LRP2BP: variants seen among roughly 807,000 people sequenced by gnomAD.
LRP2BP encodes LRP2 binding protein, also known as LRP2-binding protein.
A neutral mutation model predicts 45.2 loss-of-function variants in LRP2BP; 38 were observed. That is an observed-to-expected ratio of 0.84 (90% CI 0.65 to 1.10). The LOEUF is 1.10. LRP2BP is among the 50% of genes least tolerant of loss of function. The pLI is 0.00. For missense variants in LRP2BP, 385 were observed against 418.9 expected (o/e 0.92, Z 0.71); for synonymous variants, 153 against 153.9 (o/e 0.99, Z 0.04).
At chr4:185,397,236 C>T (rs1309935331), upstream of LRP2BP, 18 of 1,614,010 alleles carry the variant, frequency 1.1e-5, no homozygotes, top group Middle Eastern at 4.9e-4. Flanking sequence ...TCCACTTAGC[C>T]GCAGGAAGCG....
At chr4:185,378,502 A>G (rs3797032) in intron 1 of LRP2BP, 314,940 of 1,088,182 alleles carry the variant, frequency 0.29, 50,971 homozygotes, top group African/African-American at 0.68. Context: ...GGGTCAAGTC[A>G]CCCAGCACAA....
intron 1 of LRP2BP, chr4:185,378,486 C>T: frequency 8.8e-7 from 1 of 1,133,246 alleles, no homozygotes; most frequent in African/African-American, 1.6e-5. Flanking sequence ...GTTTATACAT[C>T]AAGATGGGTC....
chr4:185,368,683 A>C (rs1033118803), intron 8 of LRP2BP, among the ~76,000 whole-genome samples: 5 of 152,180 alleles, frequency 3.3e-5, no homozygotes, highest in Admixed American at 6.5e-5. Context: ...AACTGAGTAC[A>C]GTATTCTAGA....
chr4:185,384,813 A>C (rs1411210270), intron 1 of LRP2BP, among the ~76,000 whole-genome samples: 4 of 152,150 alleles, frequency 2.6e-5, no homozygotes, highest in African/African-American at 9.7e-5. Flanking sequence ...ATTAGAAGAG[A>C]ATAACTTACT....
chr4:185,367,294 GTCTT>G lies in LRP2BP; in HGVS notation c.979-53_979-50del, dbSNP rs751928391. 9 of 1,459,180 alleles carry G rather than the reference GTCTT, an allele frequency of 6.2e-6. No homozygotes were observed. The East Asian group carries it at 7.0e-5, about 11-fold the overall frequency. The allele number at this position is 1,459,180 out of a possible 1,614,324, so 90.4% of individuals were successfully genotyped here. On this transcript the variant is annotated intron_variant, in intron 8 of 8. Coordinates refer to ENST00000505916, the MANE Select transcript of LRP2BP (RefSeq NM_001377440.1). ...ATTTAGATACATTCTAATTGTTTGGGTCTTTCTTCTTTTTTTTTTTTTCTTTTTT... is the reference window on the plus strand; with the variant it reads ...ATTTAGATACATTCTAATTGTTTGGGTCTTCTTTTTTTTTTTTTCTTTTTT...
At chr4:185,374,647 A>G (rs2095427162) in intron 4 of LRP2BP, among the ~76,000 whole-genome samples, 186 bp from the exon 5 acceptor site, 1 of 152,168 alleles carries the variant, frequency 6.6e-6, no homozygotes. Context: ...AGAATCTCTA[A>G]AAGTACATCT....
intron 1 of LRP2BP, among the ~76,000 whole-genome samples, chr4:185,392,717 G>A (rs1580019518): frequency 6.6e-6 from 1 of 152,082 alleles, no homozygotes; most frequent in African/African-American, 2.4e-5. Flanking sequence ...AACGATAGAA[G>A]TATTATTGCC....
chr4:185,388,452 C>CCTACCTATCAATCAT (rs1192524215), intron 1 of LRP2BP, among the ~76,000 whole-genome samples: 2 of 152,084 alleles, frequency 1.3e-5, no homozygotes, highest in East Asian at 3.9e-4. Context: ...TATCTGCCTA[C>CCTACCTATCAATCAT]CTACCTACCT....
chr4:185,378,413 A>G, intron 1 of LRP2BP: 2 of 1,351,664 alleles, frequency 1.5e-6, no homozygotes, highest in Non-Finnish European at 1.9e-6. Context: ...GCCATTCTCC[A>G]TGTCATTTTC....
chr4:185,393,646 C>T (rs748977674), intron 1 of LRP2BP, among the ~76,000 whole-genome samples: 5 of 151,988 alleles, frequency 3.3e-5, no homozygotes, highest in African/African-American at 9.7e-5. Context: ...CTGCCTCAGC[C>T]TCCGGAGTAA....
chr4:185,396,723 A>G (rs1310470037), upstream of LRP2BP: 5 of 598,598 alleles, frequency 8.4e-6, no homozygotes, highest in Non-Finnish European at 1.5e-5. Context: ...GGGGCTGGAC[A>G]GGGTCCGGGT....
chr4:185,392,616 T>C (rs566191508), intron 1 of LRP2BP, among the ~76,000 whole-genome samples: 64 of 152,100 alleles, frequency 4.2e-4, no homozygotes, highest in African/African-American at 1.5e-3. Flanking sequence ...AAAAAAAACT[T>C]AAAAAAAATC....
rs999393873 is a variant in LRP2BP at position 185,374,419 on chromosome 4, A to G, written c.373T>C (p.Cys125Arg). The G allele has an allele frequency of 1.9e-6, 3 of 1,614,044 alleles. No homozygotes were observed. Among genetic ancestry groups the G allele is most frequent in the African/African-American group, 1.3e-5 (1 of 74,938 alleles). The change falls in exon 5 of 9, where the codon TGT becomes CGT. Residue 125 changes from cysteine to arginine, a missense_variant. Coordinates refer to ENST00000505916, the MANE Select transcript of LRP2BP (RefSeq NM_001377440.1). ...DYMKKILDSP[C>R]PKARHLKFAA... Reference sequence around the variant, plus strand: ...AATTTTAAGTGTCTTGCTTTGGGACATGGAGAATCAAGAATTTTCTTCATA... The same window carrying G: ...AATTTTAAGTGTCTTGCTTTGGGACGTGGAGAATCAAGAATTTTCTTCATA...
intron 2 of LRP2BP, 41 bp downstream of exon 2, chr4:185,378,040 A>T: frequency 6.7e-7 from 1 of 1,494,428 alleles, no homozygotes; most frequent in Non-Finnish European, 9.3e-7. Flanking sequence ...ATGAACTGTT[A>T]AAGTGTTTTC....
At position 185,395,521 on chromosome 4, in the gene LRP2BP, G is replaced by A. The variant is rs565057417; in HGVS notation, c.-764C>T. On this transcript the variant is annotated 5_prime_UTR_variant, in exon 1 of 9. It adds an upstream start codon to the 5' untranslated region. Transcript: ENST00000505916. ...CTGACAACAGTATCTCTACACTGCC[G>A]TTCTTTAAACATCATTAAAAGATAT... is the stretch of plus-strand genomic sequence containing the variant. 3 of 984,900 alleles carry A rather than the reference G, an allele frequency of 3.0e-6. No individual in the cohort carries two copies. The highest frequency in any genetic ancestry group is 1.1e-4 in the East Asian group (1 of 8,812). The allele number at this position is 984,900 out of a possible 1,614,324, so 61.0% of individuals were successfully genotyped here.
chr4:185,380,067 C>G (rs2095451246), intron 1 of LRP2BP, among the ~76,000 whole-genome samples: 1 of 152,212 alleles, frequency 6.6e-6, no homozygotes, highest in Admixed American at 6.5e-5. Context: ...CAGCAATCCT[C>G]CTGTCTCAGC....
chr4:185,374,679 G>A (rs2095427298), intron 4 of LRP2BP, among the ~76,000 whole-genome samples: 1 of 152,154 alleles, frequency 6.6e-6, no homozygotes, highest in African/African-American at 2.4e-5. Context: ...ACTCCCAGGA[G>A]CTCTGGGATA....
chr4:185,371,938 CAG>C (rs1391949038), intron 7 of LRP2BP, among the ~76,000 whole-genome samples: 1 of 152,146 alleles, frequency 6.6e-6, no homozygotes, highest in African/African-American at 2.4e-5. Flanking sequence ...CCAGCACACG[CAG>C]AGTCTGATGG....
In LRP2BP at chr4:185,378,585, C is replaced by G. The variant is rs1043758965; in HGVS notation, c.-21-378G>C. Reference sequence around the variant, plus strand: ...CTTCTGCACTGGTACCTTCTCTGCCCTTGTAACTGACACTCATCGGACGAA... The same window carrying G: ...CTTCTGCACTGGTACCTTCTCTGCCGTTGTAACTGACACTCATCGGACGAA... On this transcript the variant is annotated intron_variant, in intron 1 of 8. Coordinates refer to ENST00000505916, the MANE Select transcript of LRP2BP (RefSeq NM_001377440.1). 17 of 1,000,144 alleles carry G rather than the reference C, an allele frequency of 1.7e-5. No individual in the cohort carries two copies. The African/African-American group carries it at 2.9e-4, about 17-fold the overall frequency. 62.0% of individuals were successfully genotyped at this position (1,000,144 alleles called of 1,614,324 possible).
Sources: allele counts gnomAD v4.1 joint callset (sites outside exome capture counted in the v4.1 genomes callset), GRCh38; gene constraint gnomAD v4.1.1; transcripts MANE v1.5; gene names NCBI Gene and HGNC (gene_info 2026-07-23, HGNC 2026-07-21).